Variants in SESN3 observed in about 807,000 individuals in gnomAD.
SESN3 encodes the protein sestrin-3.
A neutral mutation model predicts 55.3 loss-of-function variants in SESN3; 21 were observed. The ratio of observed to expected loss-of-function variants is 0.38; its 90% CI spans 0.27 to 0.55. The LOEUF is 0.55. Among genes scored for constraint, SESN3 ranks in the 20% least tolerant of loss-of-function variants. The pLI is 0.76. For missense variants in SESN3, 408 were observed against 604.3 expected, an observed-to-expected ratio of 0.68 and a Z score of 3.41; for synonymous variants, 181 against 203.1, an observed-to-expected ratio of 0.89 and a Z score of 0.93.
chr11:95,202,916 TTAAAA>T (rs1236227406), intron 1 of SESN3, among the ~76,000 whole-genome samples: 1 of 152,138 alleles, frequency 6.6e-6, no homozygotes, highest in Non-Finnish European at 1.5e-5. Flanking sequence ...GCTTTACCTA[TTAAAA>T]TAATGTCTCA....
At position 95,230,876 on chromosome 11, in the gene SESN3, C is replaced by G. The variant is rs1306549570; in HGVS notation, c.-16G>C. 6.4e-7 allele frequency: 1 copy of G among 1,560,726 alleles called. No individual in the cohort carries two copies. Among genetic ancestry groups the G allele is most frequent in the South Asian group, 1.2e-5 (1 of 86,592 alleles). ...CCCGGTTCATCGTGGCTGCGGGCGC[C>G]GAGGCGAGAGCGGGCGGAGGGCCGG... On this transcript the variant is annotated 5_prime_UTR_variant, in exon 1 of 10. Coordinates refer to ENST00000536441, the MANE Select transcript of SESN3 (RefSeq NM_144665.4). This position sits in a 1 kb window ranked among gnomAD's most constrained non-coding sequence, Gnocchi z 4.6.
At position 95,172,024 on chromosome 11, in the gene SESN3, C is replaced by A. The variant is rs1459467344; in HGVS notation, c.*1231G>T. On this transcript the variant is annotated 3_prime_UTR_variant, in exon 10 of 10. Coordinates refer to ENST00000536441, the MANE Select transcript of SESN3 (RefSeq NM_144665.4). ...TTATGAAAGGAACATTGTTCAATCC[C>A]AGAAAGGTAAAACTGAAAAAAGCCT... The A allele has an allele frequency of 6.6e-6, 1 of 151,944 alleles. No homozygotes were observed. Among genetic ancestry groups the A allele is most frequent in the East Asian group, 1.9e-4 (1 of 5,186 alleles). 9.4% of individuals were successfully genotyped at this position (151,944 alleles called of 1,614,324 possible).
chr11:95,185,551 T>C (rs1860147166), intron 4 of SESN3, 59 bp from the exon 5 acceptor site: 1 of 1,096,538 alleles, frequency 9.1e-7, no homozygotes, highest in African/African-American at 1.6e-5. Flanking sequence ...ACAAAGAAAT[T>C]TCAATGAAAA....
Position 95,177,892 on chromosome 11 carries a change from A to T in SESN3, c.1074T>A (p.Asn358Lys). Residue 358 changes from asparagine to lysine, a missense_variant, in exon 8 of 10, where the codon AAT becomes AAA. By Grantham distance (94) the Asn-to-Lys change is moderately conservative. Transcript: ENST00000536441. The stretch of plus-strand genomic sequence containing the variant: ...GTCTGTTCACCAGGGAGAACCCATG[A>T]TTTTCCCAGGTATAGTCCTAAAAGA... ...TFRAQDYTWE[N>K]HGFSLVNRLY... The T allele has an allele frequency of 6.3e-7, 1 of 1,589,384 alleles. No homozygotes were observed. The highest frequency in any genetic ancestry group is 1.7e-4 in the Middle Eastern group (1 of 5,972).
At chr11:95,231,225 C>A, upstream of SESN3, 1 of 405,712 alleles carries the variant, frequency 2.5e-6, no homozygotes, top group Non-Finnish European at 4.3e-6. Context: ...GCCGCCCCAC[C>A]ACCTTCACCA....
intron 1 of SESN3, among the ~76,000 whole-genome samples, chr11:95,194,210 C>T (rs992103855): frequency 2.0e-5 from 3 of 151,684 alleles, no homozygotes; most frequent in Non-Finnish European, 2.9e-5. Context: ...TCATTAAGTG[C>T]GATACAAGCC....
chr11:95,212,182 C>G (rs1860667782), intron 1 of SESN3, among the ~76,000 whole-genome samples: 2 of 152,080 alleles, frequency 1.3e-5, no homozygotes, highest in Admixed American at 1.3e-4. Context: ...TTTAACTACC[C>G]TTCTTTTCCA....
chr11:95,222,769 A>C (rs1860880971), intron 1 of SESN3, among the ~76,000 whole-genome samples: 2 of 152,226 alleles, frequency 1.3e-5, no homozygotes, highest in Non-Finnish European at 2.9e-5. Context: ...AAATGTCGTC[A>C]GACTTTTGAA....
chr11:95,215,964 G>T lies in SESN3; in HGVS notation c.78+14819C>A, dbSNP rs375765779. On this transcript the variant is annotated intron_variant, in intron 1 of 9. Transcript: ENST00000536441. ...ATACAAAAAATTAGCCGGGCATGGT[G>T]GTGGGCGCCTGTAGTCCCAGCTACT... is the stretch of plus-strand genomic sequence containing the variant. Among the ~76,000 whole-genome samples the T allele has an allele frequency of 3.9e-5, 6 of 151,930 alleles. No individual in the cohort carries two copies. The East Asian group carries it at 9.7e-4, about 24-fold the overall frequency.
At chr11:95,227,197 CT>C (rs889380115) in intron 1 of SESN3, among the ~76,000 whole-genome samples, 4 of 134,512 alleles carry the variant, frequency 3.0e-5, no homozygotes, top group East Asian at 2.2e-4. Context: ...TTTTTTTTGT[CT>C]TTTTTTTTGA....
chr11:95,232,317 G>C (rs1250417213), upstream of SESN3: 1 of 152,290 alleles, frequency 6.6e-6, no homozygotes, highest in African/African-American at 2.4e-5. Context: ...CGTCCGAGTC[G>C]AATGCGGGTT....
intron 1 of SESN3, among the ~76,000 whole-genome samples, chr11:95,198,658 T>C (rs1168515478): frequency 2.0e-5 from 3 of 152,210 alleles, no homozygotes; most frequent in Non-Finnish European, 2.9e-5. Flanking sequence ...TCGCTGTCAC[T>C]AGCCACATGT....
At position 95,171,120 on chromosome 11, in the gene SESN3, C is replaced by T. The variant is rs1423763680; in HGVS notation, c.*2135G>A. The stretch of plus-strand genomic sequence containing the variant: ...AAAATATAGGGCTATTAATTGAAAG[C>T]ATCTAGTAAAAAAACAAATTCAAGA... On this transcript the variant is annotated 3_prime_UTR_variant, in exon 10 of 10. Coordinates refer to ENST00000536441, the MANE Select transcript of SESN3 (RefSeq NM_144665.4). 6.6e-6 allele frequency: 1 copy of T among 152,076 alleles called. No homozygotes were observed. The highest frequency in any genetic ancestry group is 1.5e-5 in the Non-Finnish European group (1 of 67,986). 9.4% of individuals were successfully genotyped at this position (152,076 alleles called of 1,614,324 possible).
At chr11:95,174,470 G>A (rs140831517) in intron 9 of SESN3, among the ~76,000 whole-genome samples, 4 of 152,096 alleles carry the variant, frequency 2.6e-5, no homozygotes, top group Admixed American at 2.6e-4. Context: ...AAATTACCAA[G>A]TTTGGGTAAA....
chr11:95,202,884 ACTT>A (rs1464465778), intron 1 of SESN3, among the ~76,000 whole-genome samples: 1 of 152,124 alleles, frequency 6.6e-6, no homozygotes, highest in Non-Finnish European at 1.5e-5. Flanking sequence ...TAACAATAAA[ACTT>A]CACCTTGAAT....
At chr11:95,228,621 T>C (rs1273715907) in intron 1 of SESN3, among the ~76,000 whole-genome samples, 2 of 152,224 alleles carry the variant, frequency 1.3e-5, no homozygotes, top group African/African-American at 4.8e-5. Context: ...CTGATTCTCT[T>C]AAGAGCACTT....
Position 95,169,182 on chromosome 11 carries a change from G to A in SESN3, c.*4073C>T, listed in dbSNP as rs1324806802. 1 of 152,182 alleles carries A rather than the reference G, an allele frequency of 6.6e-6. No individual in the cohort carries two copies. The highest frequency in any genetic ancestry group is 1.5e-5 in the Non-Finnish European group (1 of 68,038). 9.4% of individuals were successfully genotyped at this position (152,182 alleles called of 1,614,324 possible). On this transcript the variant is annotated 3_prime_UTR_variant, in exon 10 of 10. Transcript: ENST00000536441. Reference sequence around the variant, plus strand: ...AGCTCCACATACAGTGGGCATATAAGTTCTGTTGACTGAGATAAATACATT... The same window carrying A: ...AGCTCCACATACAGTGGGCATATAAATTCTGTTGACTGAGATAAATACATT...
chr11:95,212,338 C>T (rs1319798908), intron 1 of SESN3, among the ~76,000 whole-genome samples: 1 of 152,082 alleles, frequency 6.6e-6, no homozygotes, highest in Non-Finnish European at 1.5e-5. Context: ...ACATCTTTCT[C>T]TCTAACCACA....
At chr11:95,195,576 AAAG>A (rs1316557127) in intron 1 of SESN3, among the ~76,000 whole-genome samples, 1 of 152,228 alleles carries the variant, frequency 6.6e-6, no homozygotes, top group Non-Finnish European at 1.5e-5. Flanking sequence ...AAAAGTGATG[AAAG>A]AAGACATCAT....
Sources: allele counts gnomAD v4.1 joint callset (sites outside exome capture counted in the v4.1 genomes callset), GRCh38; gene constraint gnomAD v4.1.1; non-coding constraint Gnocchi (gnomAD v3.1); transcripts MANE v1.5; gene names NCBI Gene and HGNC (gene_info 2026-07-23, HGNC 2026-07-21).